CWF19L2: variants seen among roughly 807,000 people sequenced by gnomAD.
The protein encoded by CWF19L2 is CWF19 like cell cycle control factor 2.
Under a neutral mutation model 111.7 loss-of-function variants are expected in CWF19L2, and 98 were observed. That is an observed-to-expected ratio of 0.88 (90% CI 0.75 to 1.04). The LOEUF (loss-of-function observed/expected upper bound fraction) is 1.04, where lower values mean the gene tolerates loss of function less well. Among genes scored for constraint, CWF19L2 ranks in the 50% least tolerant of loss-of-function variants. CWF19L2 has a pLI of 0.00. For synonymous variants in CWF19L2, 351 were observed against 342.9 expected (o/e 1.02, Z -0.26); for missense variants, 1,101 against 1,051.4 (o/e 1.05, Z -0.65).
intron 12 of CWF19L2, among the ~76,000 whole-genome samples, chr11:107,388,672 G>T (rs1019328192): frequency 6.6e-6 from 1 of 152,052 alleles, no homozygotes; most frequent in Non-Finnish European, 1.5e-5. Context: ...GAGCCACCAC[G>T]CCCGGCACTA....
At chr11:107,357,892 G>C (rs1381229119) in intron 12 of CWF19L2, among the ~76,000 whole-genome samples, 2 of 152,180 alleles carry the variant, frequency 1.3e-5, no homozygotes, top group African/African-American at 4.8e-5. Context: ...GATGGAAAAA[G>C]TGAACAAAAC....
chr11:107,448,808 C>A (rs1861738199), intron 3 of CWF19L2, among the ~76,000 whole-genome samples: 1 of 152,070 alleles, frequency 6.6e-6, no homozygotes, highest in Non-Finnish European at 1.5e-5. Context: ...AGGAACTGAA[C>A]CCTCATCAGA....
At chr11:107,428,422 T>C (rs1233087342) in intron 8 of CWF19L2, among the ~76,000 whole-genome samples, 1 of 152,074 alleles carries the variant, frequency 6.6e-6, no homozygotes, top group East Asian at 1.9e-4. Context: ...ACATGCAGTA[T>C]TTATGATTAT....
chr11:107,404,470 C>A (rs371526347), intron 10 of CWF19L2: 20 of 766,674 alleles, frequency 2.6e-5, no homozygotes, highest in South Asian at 2.6e-4. Flanking sequence ...TCCCTCCCAG[C>A]CCTTAGTTGT....
chr11:107,372,800 T>A (rs146278561), intron 12 of CWF19L2, among the ~76,000 whole-genome samples: 1 of 131,908 alleles, frequency 7.6e-6, no homozygotes, highest in Non-Finnish European at 1.6e-5. Flanking sequence ...TGCTCCGGTC[T>A]ACAGCTCCCA....
chr11:107,449,998 A>G (rs1303609705), intron 3 of CWF19L2, among the ~76,000 whole-genome samples: 1 of 152,114 alleles, frequency 6.6e-6, no homozygotes, highest in Non-Finnish European at 1.5e-5. Flanking sequence ...AACAGCTAAC[A>G]GATTAGAGAG....
intron 13 of CWF19L2, among the ~76,000 whole-genome samples, chr11:107,353,212 C>T (rs1171580168): frequency 6.6e-6 from 1 of 152,144 alleles, no homozygotes; most frequent in East Asian, 1.9e-4. Flanking sequence ...GTCTGAGTCT[C>T]AACTTTTCCC....
chr11:107,335,359 A>G (rs1330637766), intron 15 of CWF19L2, among the ~76,000 whole-genome samples: 1 of 152,184 alleles, frequency 6.6e-6, no homozygotes, highest in Non-Finnish European at 1.5e-5. Flanking sequence ...AGTAATTTAC[A>G]TGTTTTCTAG....
chr11:107,329,753 T>G (rs933001427), intron 17 of CWF19L2, among the ~76,000 whole-genome samples, 165 bp downstream of exon 17: 2 of 152,172 alleles, frequency 1.3e-5, no homozygotes, highest in African/African-American at 4.8e-5. Flanking sequence ...ATATACATTC[T>G]GGGATATTTT....
intron 12 of CWF19L2, among the ~76,000 whole-genome samples, chr11:107,362,257 G>A (rs919174725): frequency 5.9e-5 from 9 of 152,246 alleles, no homozygotes; most frequent in South Asian, 2.1e-4. Flanking sequence ...AGGGGCGCCC[G>A]CCATTGCCCA....
intron 12 of CWF19L2, among the ~76,000 whole-genome samples, chr11:107,379,871 A>T (rs968747175): frequency 6.6e-6 from 1 of 151,888 alleles, no homozygotes; most frequent in African/African-American, 2.4e-5. Context: ...CATCCTGGCT[A>T]ACACAGTGAA....
chr11:107,359,339 T>C (rs1405902140), intron 12 of CWF19L2, among the ~76,000 whole-genome samples: 1 of 151,894 alleles, frequency 6.6e-6, no homozygotes, highest in Non-Finnish European at 1.5e-5. Context: ...CATTCTGAAG[T>C]AGATGTCTGG....
intron 14 of CWF19L2, among the ~76,000 whole-genome samples, chr11:107,337,068 A>G (rs1378732378): frequency 6.6e-6 from 1 of 152,216 alleles, no homozygotes; most frequent in Non-Finnish European, 1.5e-5. Flanking sequence ...CCATAAGCCA[A>G]AAGAGATACT....
chr11:107,352,281 ACGAAATG>A (rs1323408282), intron 13 of CWF19L2, among the ~76,000 whole-genome samples: 10 of 39,476 alleles, frequency 2.5e-4, no homozygotes, highest in African/African-American at 1.1e-3. Context: ...TCGTGTTCCC[ACGAAATG>A]CAAGAGCATT....
Position 107,354,662 on chromosome 11 carries a change from A to T in CWF19L2, c.1873-926T>A, listed in dbSNP as rs754019656. Reference sequence around the variant, plus strand: ...TATAATATTTTTAATAATTTTGTGCATGAAACAAAGTTTATGTATATTGAA... The same window carrying T: ...TATAATATTTTTAATAATTTTGTGCTTGAAACAAAGTTTATGTATATTGAA... On this transcript the variant is annotated intron_variant, in intron 12 of 17. Transcript: ENST00000282251. Among the ~76,000 whole-genome samples the T allele has an allele frequency of 1.2e-4, 19 of 152,378 alleles. No homozygotes were observed. The East Asian group carries it at 1.3e-3, about 11-fold the overall frequency.
At chr11:107,347,078 A>C (rs568624429) in intron 14 of CWF19L2, among the ~76,000 whole-genome samples, 4 of 152,216 alleles carry the variant, frequency 2.6e-5, no homozygotes, top group Non-Finnish European at 5.9e-5. Context: ...TGTTCAAGAA[A>C]ATTTGTAAAA....
intron 16 of CWF19L2, among the ~76,000 whole-genome samples, 165 bp downstream of exon 16, chr11:107,334,716 A>T (rs1304418894): frequency 6.6e-6 from 1 of 152,200 alleles, no homozygotes; most frequent in Non-Finnish European, 1.5e-5. Context: ...ACAAACAAAT[A>T]AGCATTTTCT....
chr11:107,413,147 G>A (rs117625559), intron 10 of CWF19L2, among the ~76,000 whole-genome samples: 11 of 152,212 alleles, frequency 7.2e-5, no homozygotes, highest in African/African-American at 2.2e-4. Context: ...GTGTGTCAAC[G>A]CAGGTTCATC....
chr11:107,390,153 C>T lies in CWF19L2; in HGVS notation c.1793G>A (p.Ser598Asn), dbSNP rs1285919358. ...VRYFHDDDNL[S>N]LNDLVKNEKM... The stretch of plus-strand genomic sequence containing the variant: ...TTCATTTTTGACTAAATCATTTAGG[C>T]TTAGATTATCATCATCATGAAAGTA... The change falls in exon 12 of 18, where the codon AGC (serine) becomes AAC (asparagine). Residue 598 changes from serine (S) to asparagine (N), a missense_variant. By Grantham distance (46) the Ser-to-Asn change is conservative (BLOSUM62 1). Coordinates refer to ENST00000282251, the MANE Select transcript of CWF19L2 (RefSeq NM_152434.3). 3.7e-6 allele frequency: 6 copies of T among 1,611,784 alleles called. No individual in the cohort carries two copies. Among genetic ancestry groups the T allele is most frequent in the African/African-American group, 1.3e-5 (1 of 74,882 alleles).
Sources: gnomAD v4.1 joint callset for allele counts (sites outside exome capture counted in the v4.1 genomes callset) on GRCh38, gnomAD v4.1.1 for gene constraint, MANE v1.5 for transcripts, NCBI Gene and HGNC (gene_info 2026-07-23, HGNC 2026-07-21) for gene names.